NADK: variants seen among roughly 807,000 people sequenced by gnomAD.
NADK encodes the protein NAD kinase.
NADK carries 22 observed loss-of-function variants against 49.8 expected under a neutral mutation model. That is an observed-to-expected ratio of 0.44 (90% confidence interval 0.32 to 0.63). The LOEUF is 0.63. Ranked by LOEUF, NADK falls within the 30% of genes least tolerant of loss-of-function variation. NADK has a pLI of 0.06. For synonymous variants in NADK, 268 were observed against 253.7 expected, an observed-to-expected ratio of 1.06 and a Z score of -0.54; for missense variants, 438 against 609.4, an observed-to-expected ratio of 0.72 and a Z score of 2.96.
chr1:1,758,993 G>C (rs998507028), intron 3 of NADK: 3 of 1,355,226 alleles, frequency 2.2e-6, no homozygotes, highest in Non-Finnish European at 2.0e-6. Context: ...GCTTGGCTCC[G>C]GCCCAAGGGC....
At position 1,754,175 on chromosome 1, in the gene NADK, G is replaced by A. The variant is rs758300151; in HGVS notation, c.977C>T (p.Ala326Val). The change falls in exon 10 of 12, where the codon GCG becomes GTG. Residue 326 changes from alanine (A) to valine (V), a missense_variant. Ala to Val is a moderately conservative substitution (Grantham distance 64). Transcript: ENST00000341426. The surrounding 1 kb of genome is among the most constrained non-coding windows in gnomAD (Gnocchi z 4.3). ...VIVSTPTGST[A>V]YAAAAGASMI... ...GGAGGCCCCGGCCGCGGCCGCATAC[G>A]CCGTGCTGCCCGTCGGGGTGGACAC... 3.7e-6 allele frequency: 6 copies of A among 1,612,376 alleles called. No homozygotes were observed. The highest frequency in any genetic ancestry group is 2.2e-5 in the South Asian group (2 of 91,062).
At position 1,754,100 on chromosome 1, in the gene NADK, TG is replaced by T; in HGVS notation, c.1051del (p.His351ThrfsTer16). 6.2e-7 allele frequency: 1 copy of T among 1,605,870 alleles called. No individual in the cohort carries two copies. ...PAIMITPICP[H>X]SLSFRPIVVP... is the part of the protein sequence containing the mutation. ...CACGATGGGCCGGAAGGACAGCGAG[TG>T]GGGGCAGATGGGCGTGATCATGATG... is the stretch of plus-strand genomic sequence containing the variant. On this transcript the variant is annotated frameshift_variant, in exon 10 of 12. Transcript: ENST00000341426. LOFTEE classifies it high-confidence loss of function. The surrounding 1 kb of genome is among the most constrained non-coding windows in gnomAD (Gnocchi z 4.3).
chr1:1,774,544 G>A (rs980085939), intron 1 of NADK, among the ~76,000 whole-genome samples: 7 of 152,006 alleles, frequency 4.6e-5, no homozygotes, highest in South Asian at 2.1e-4. Context: ...CGTCGCCACC[G>A]CGCACGGCCA....
At chr1:1,758,629 T>C in intron 3 of NADK, 1 of 1,439,440 alleles carries the variant, frequency 6.9e-7, no homozygotes, top group South Asian at 1.6e-5. Flanking sequence ...GGTAAAGTTG[T>C]TGTAAAAGCA....
intron 11 of NADK, 106 bp from the exon 12 acceptor site, chr1:1,753,166 T>C (rs1245867766): frequency 6.5e-6 from 9 of 1,390,098 alleles, no homozygotes; most frequent in Non-Finnish European, 8.8e-6. Flanking sequence ...ACTCTTTTCC[T>C]GTGGGGCCGG....
chr1:1,774,610 G>A (rs1275872446), intron 1 of NADK, among the ~76,000 whole-genome samples: 1 of 151,990 alleles, frequency 6.6e-6, no homozygotes, highest in Non-Finnish European at 1.5e-5. Context: ...CACTGCGCGC[G>A]GCCACCATTG....
At chr1:1,759,803 C>A in intron 3 of NADK, 1 of 1,554,686 alleles carries the variant, frequency 6.4e-7, no homozygotes, top group Non-Finnish European at 8.7e-7. Context: ...GGTCTGAGGG[C>A]TGAGGCAGAA....
intron 6 of NADK, 44 bp from the exon 7 acceptor site, chr1:1,755,520 C>T: frequency 2.1e-6 from 3 of 1,423,340 alleles, no homozygotes; most frequent in Non-Finnish European, 3.0e-6. Flanking sequence ...CGCCGTGCAC[C>T]CCCGCACCAC....
rs751650864 is a variant in NADK at position 1,768,039 on chromosome 1, C to T, written c.-40-2593G>A. On this transcript the variant is annotated intron_variant, in intron 1 of 11. Transcript: ENST00000341426. ...TACAAAAATTAGCCGGGCGTGGTGG[C>T]GGGCGCCTGTAATCCTAGCTACTTG... 3.3e-5 allele frequency among the ~76,000 whole-genome samples: 5 copies of T among 151,854 alleles called. No homozygotes were observed. In the South Asian group the frequency reaches 8.3e-4, roughly 25 times the overall value.
intron 3 of NADK, chr1:1,759,957 T>G (rs1570533346): frequency 6.5e-7 from 1 of 1,532,800 alleles, no homozygotes; most frequent in Non-Finnish European, 8.8e-7. Flanking sequence ...AGAGGCCCGG[T>G]GGGGTGCCAG....
At chr1:1,764,532 A>AC (rs1645826459) in intron 2 of NADK, among the ~76,000 whole-genome samples, 1 of 152,010 alleles carries the variant, frequency 6.6e-6, no homozygotes, top group Non-Finnish European at 1.5e-5. Flanking sequence ...ACAGTGCAGA[A>AC]CCCCCCAGCC....
intron 1 of NADK, among the ~76,000 whole-genome samples, chr1:1,775,170 A>G (rs1204876995): frequency 1.3e-5 from 2 of 152,172 alleles, no homozygotes; most frequent in African/African-American, 2.4e-5. Context: ...CTAGAGCACA[A>G]TAAGAAAATA....
intron 3 of NADK, 35 bp from the exon 4 acceptor site, chr1:1,757,345 C>G: frequency 6.5e-7 from 1 of 1,539,596 alleles, no homozygotes; most frequent in Non-Finnish European, 8.9e-7. Context: ...ACACCAGCTG[C>G]GATCTCCCTC....
Position 1,778,025 on chromosome 1 carries a change from G to A in NADK, c.-41+264C>T, listed in dbSNP as rs1023615917. On this transcript the variant is annotated intron_variant, in intron 1 of 11. Coordinates refer to ENST00000341426, the MANE Select transcript of NADK (RefSeq NM_023018.5). This position sits in a 1 kb window ranked among gnomAD's most constrained non-coding sequence, Gnocchi z 4.9. ...CTGACAAGCGCGGTCCGGGCTGGAC[G>A]GCCCCACCTTCCCCGCCCGGGAGAG... 3.9e-5 allele frequency among the ~76,000 whole-genome samples: 6 copies of A among 152,140 alleles called. No homozygotes were observed. The highest frequency in any genetic ancestry group is 1.3e-4 in the Admixed American group (2 of 15,286).
chr1:1,768,361 G>A (rs1053192417), intron 1 of NADK, among the ~76,000 whole-genome samples: 2 of 152,076 alleles, frequency 1.3e-5, no homozygotes, highest in Middle Eastern at 3.4e-3. Context: ...AACATAGCAG[G>A]ATTCTGTCTC....
At position 1,753,070 on chromosome 1, in the gene NADK, G is replaced by A. The variant is rs748196835; in HGVS notation, c.1185-10C>T. ...GGTAGTGATGCTGATGCTGGGACGG[G>A]AGAGCAGCAGCCTGAGCCAGGGCTT... On this transcript the variant is annotated splice_polypyrimidine_tract_variant and intron_variant, in intron 11 of 11. Transcript: ENST00000341426. The A allele has an allele frequency of 6.2e-7, 1 of 1,603,826 alleles. No individual in the cohort carries two copies. Among genetic ancestry groups the A allele is most frequent in the East Asian group, 2.2e-5 (1 of 44,590 alleles).
intron 1 of NADK, among the ~76,000 whole-genome samples, chr1:1,776,981 G>A (rs565993025): frequency 2.0e-5 from 3 of 152,106 alleles, no homozygotes; most frequent in Admixed American, 6.6e-5. Flanking sequence ...AGGAGGCTGA[G>A]GTGGGAGGAT....
intron 10 of NADK, 120 bp from the exon 11 acceptor site, chr1:1,753,769 C>A: frequency 1.1e-6 from 1 of 949,652 alleles, no homozygotes. Context: ...GCCTTGCGGA[C>A]GGTGCAGTGC....
chr1:1,764,242 C>T (rs1202697795), intron 2 of NADK, among the ~76,000 whole-genome samples: 1 of 152,216 alleles, frequency 6.6e-6, no homozygotes, highest in Non-Finnish European at 1.5e-5. Context: ...ATTTGATAGT[C>T]GTGATCCTTG....
Sources: allele counts gnomAD v4.1 joint callset (sites outside exome capture counted in the v4.1 genomes callset), GRCh38; gene constraint gnomAD v4.1.1; non-coding constraint Gnocchi (gnomAD v3.1); transcripts MANE v1.5; gene names NCBI Gene and HGNC (gene_info 2026-07-23, HGNC 2026-07-21).